The following VAV3 variants were observed in gnomAD, a reference collection of about 807,000 sequenced individuals.
VAV3 encodes vav guanine nucleotide exchange factor 3.
VAV3 carries 94 observed loss-of-function variants against 131.2 expected under a neutral mutation model. That is an observed-to-expected ratio of 0.72 (90% confidence interval 0.61 to 0.85). The LOEUF (loss-of-function observed/expected upper bound fraction) is 0.85. Ranked by LOEUF, VAV3 falls within the 40% of genes least tolerant of loss-of-function variation. VAV3 has a pLI of 0.00. For synonymous variants in VAV3, 349 were observed against 342.0 expected (o/e 1.02, Z -0.22); for missense variants, 939 against 1,002.7 (o/e 0.94, Z 0.86).
At chr1:107,723,764 C>T (rs191579178) in intron 15 of VAV3, among the ~76,000 whole-genome samples, 20 of 143,894 alleles carry the variant, frequency 1.4e-4, no homozygotes, top group Admixed American at 8.8e-4. Flanking sequence ...TCCATACTTC[C>T]ATATTTCTCT....
At chr1:107,910,705 C>CGTGGTA (rs1672324696) in intron 1 of VAV3, among the ~76,000 whole-genome samples, 1 of 151,896 alleles carries the variant, frequency 6.6e-6, no homozygotes, top group South Asian at 2.1e-4. Context: ...TGAGGCCATG[C>CGTGGTA]GTGGTGGCTC....
intron 4 of VAV3, among the ~76,000 whole-genome samples, chr1:107,776,827 G>A (rs1463860033): frequency 2.0e-5 from 3 of 152,166 alleles, no homozygotes; most frequent in East Asian, 1.9e-4. Context: ...AACAAACACC[G>A]CCTACTAAAA....
At chr1:107,715,236 T>C (rs1176267341) in intron 15 of VAV3, among the ~76,000 whole-genome samples, 1 of 152,168 alleles carries the variant, frequency 6.6e-6, no homozygotes, top group Non-Finnish European at 1.5e-5. Flanking sequence ...CTCAAATTTG[T>C]TCTGAAGACA....
chr1:107,626,380 C>T (rs1654014443), intron 20 of VAV3, among the ~76,000 whole-genome samples: 1 of 152,208 alleles, frequency 6.6e-6, no homozygotes, highest in Non-Finnish European at 1.5e-5. Flanking sequence ...AGTGCAGTCA[C>T]ATACTGCCTT....
intron 2 of VAV3, among the ~76,000 whole-genome samples, chr1:107,794,674 C>T (rs12033130): frequency 0.16 from 24,486 of 152,082 alleles, 2,284 homozygotes; most frequent in East Asian, 0.38. Context: ...AAGGAATTTC[C>T]ACCTTAGGAG....
chr1:107,638,553 G>C (rs576340782), intron 20 of VAV3, among the ~76,000 whole-genome samples: 2 of 152,158 alleles, frequency 1.3e-5, no homozygotes, highest in Non-Finnish European at 2.9e-5. Context: ...GAGGAGTATA[G>C]TATGTTCAGT....
chr1:107,836,270 T>C (rs1162752656), intron 2 of VAV3, among the ~76,000 whole-genome samples: 2 of 152,150 alleles, frequency 1.3e-5, no homozygotes, highest in Non-Finnish European at 2.9e-5. Flanking sequence ...AGATTGACCA[T>C]ATGTTTAGCC....
chr1:107,669,280 G>T, intron 19 of VAV3: 1 of 1,282,358 alleles, frequency 7.8e-7, no homozygotes, highest in Admixed American at 2.4e-5. Context: ...CCTTCGCTGT[G>T]TAAGTGGGGA....
chr1:107,712,377 G>A (rs900041563), intron 15 of VAV3, among the ~76,000 whole-genome samples: 2 of 152,150 alleles, frequency 1.3e-5, no homozygotes, highest in Non-Finnish European at 2.9e-5. Context: ...ATCAGCTATC[G>A]TTATTGTTAG....
At chr1:107,600,590 C>T (rs573498793) in intron 24 of VAV3, among the ~76,000 whole-genome samples, 1 of 152,162 alleles carries the variant, frequency 6.6e-6, no homozygotes, top group East Asian at 1.9e-4. Flanking sequence ...GTTATTTTTC[C>T]AGAGAATATC....
rs778253389 is a variant in VAV3 at position 107,755,555 on chromosome 1, G to A, written c.1087-42C>T. The A allele has an allele frequency of 2.9e-6, 4 of 1,397,450 alleles. No homozygotes were observed. The East Asian group carries it at 9.2e-5, about 32-fold the overall frequency. The allele number at this position is 1,397,450 out of a possible 1,614,324, so 86.6% of individuals were successfully genotyped here. A position where few individuals can be genotyped will look rare whatever the true frequency, so the allele number is the denominator to read the frequency against. On this transcript the variant is annotated intron_variant, in intron 11 of 26. Transcript: ENST00000370056. ...AGGGTAGAAAAAGAAGGCACACTAA[G>A]ATTAGAGATGCAAACTGCTTTGAAA...
rs746164101 is a variant in VAV3, at chr1:107,753,547, T to TACACACAC, written c.1173+1879_1173+1880insGTGTGTGT. ...ATATACGTATATATATATATATATA[T>TACACACAC]ATACACACACACACTTTTTTTTTTG... On this transcript the variant is annotated intron_variant, in intron 12 of 26. Coordinates refer to ENST00000370056, the MANE Select transcript of VAV3 (RefSeq NM_006113.5). Among the ~76,000 whole-genome samples, 50 of 48,456 alleles carry TACACACAC rather than the reference T, an allele frequency of 1.0e-3. 1 individual carries two copies. Among genetic ancestry groups the TACACACAC allele is most frequent in the Admixed American group, 1.7e-3 (8 of 4,614 alleles). 31.8% of individuals were successfully genotyped at this position (48,456 alleles called of 152,430 possible). A position where few individuals can be genotyped will look rare whatever the true frequency, so the allele number is the denominator to read the frequency against.
At chr1:107,598,394 C>T (rs555315163) in intron 24 of VAV3, among the ~76,000 whole-genome samples, 1 of 151,976 alleles carries the variant, frequency 6.6e-6, no homozygotes, top group Non-Finnish European at 1.5e-5. Flanking sequence ...AACACACACA[C>T]AAAAAACAGG....
At chr1:107,671,446 C>A (rs570009826) in intron 19 of VAV3, among the ~76,000 whole-genome samples, 1 of 152,156 alleles carries the variant, frequency 6.6e-6, no homozygotes, top group South Asian at 2.1e-4. Flanking sequence ...CAAATTAGAA[C>A]TTGAAAGTGT....
At chr1:107,779,393 T>C in intron 3 of VAV3, 41 bp downstream of exon 3, 1 of 1,532,756 alleles carries the variant, frequency 6.5e-7, no homozygotes. Flanking sequence ...ATCATTACAC[T>C]GAACTCAATG....
intron 4 of VAV3, among the ~76,000 whole-genome samples, chr1:107,775,130 C>A (rs995665826): frequency 6.6e-6 from 1 of 152,180 alleles, no homozygotes; most frequent in African/African-American, 2.4e-5. Flanking sequence ...CATCTCAGAG[C>A]AGCCAATTCA....
chr1:107,833,313 A>G (rs1668335225), intron 2 of VAV3, among the ~76,000 whole-genome samples: 1 of 152,234 alleles, frequency 6.6e-6, no homozygotes. Flanking sequence ...AAGCCAAAAC[A>G]TAACTCAAGG....
chr1:107,813,895 A>G (rs186809729), intron 2 of VAV3, among the ~76,000 whole-genome samples: 1 of 151,584 alleles, frequency 6.6e-6, no homozygotes, highest in African/African-American at 2.4e-5. Context: ...ACTTAACATA[A>G]TGATCTCCAG....
intron 20 of VAV3, among the ~76,000 whole-genome samples, chr1:107,639,481 A>G (rs530079479): frequency 6.6e-6 from 1 of 152,308 alleles, no homozygotes; most frequent in African/African-American, 2.4e-5. Flanking sequence ...CAAATAATAA[A>G]AAAATGCATG....
Sources: gnomAD v4.1 joint callset for allele counts (sites outside exome capture counted in the v4.1 genomes callset) on GRCh38, gnomAD v4.1.1 for gene constraint, MANE v1.5 for transcripts, NCBI Gene and HGNC (gene_info 2026-07-23, HGNC 2026-07-21) for gene names.